Variants in MAN2A1 observed in about 807,000 individuals in gnomAD.
MAN2A1 encodes the protein alpha-mannosidase 2.
A neutral mutation model predicts 142.6 loss-of-function variants in MAN2A1; 76 were observed. The observed-to-expected ratio is 0.53, with a 90% CI of 0.44 to 0.65. MAN2A1 has a LOEUF of 0.65. Among genes scored for constraint, MAN2A1 ranks in the 30% least tolerant of loss-of-function variants. The pLI, the probability that MAN2A1 is intolerant of heterozygous loss-of-function variation, is 0.00. For synonymous variants in MAN2A1, 559 were observed against 473.2 expected (o/e 1.18, Z -2.35); for missense variants, 1,311 against 1,365.1 (o/e 0.96, Z 0.62).
At chr5:109,832,051 A>G (rs1754920762) in intron 16 of MAN2A1, among the ~76,000 whole-genome samples, 1 of 151,228 alleles carries the variant, frequency 6.6e-6, no homozygotes, top group East Asian at 1.9e-4. Flanking sequence ...GATGAATGTC[A>G]CTCATTGCTA....
chr5:109,781,298 C>CA, intron 8 of MAN2A1, 98 bp from the exon 9 acceptor site: 1 of 649,440 alleles, frequency 1.5e-6, no homozygotes, highest in Admixed American at 3.5e-5. Context: ...AACTTGGAAA[C>CA]ACATGTTAAA....
chr5:109,699,105 A>T (rs140117723), intron 1 of MAN2A1, among the ~76,000 whole-genome samples: 26 of 152,274 alleles, frequency 1.7e-4, no homozygotes, highest in Non-Finnish European at 3.5e-4. Flanking sequence ...GCTTTCAATG[A>T]TGTAATTGCA....
chr5:109,768,700 T>C (rs942333713), intron 6 of MAN2A1, among the ~76,000 whole-genome samples: 7 of 152,250 alleles, frequency 4.6e-5, no homozygotes, highest in African/African-American at 1.7e-4. Context: ...TTCTTATATG[T>C]ACTCCTGTTT....
rs1183464312 is a variant in MAN2A1, at chr5:109,690,571, G to T, written c.135+19G>T. 5.7e-6 allele frequency: 9 copies of T among 1,578,096 alleles called. No individual in the cohort carries two copies. The highest frequency in any genetic ancestry group is 2.7e-5 in the African/African-American group (2 of 73,992). ...CCCTCAGGTAAGCACCTGGGAAGGG[G>T]GCGCGGGGCTCCGAGGGGCCAGGCG... On this transcript the variant is annotated intron_variant, in intron 1 of 21. Transcript: ENST00000261483.
intron 12 of MAN2A1, among the ~76,000 whole-genome samples, chr5:109,803,836 A>G (rs1173382958): frequency 6.6e-6 from 1 of 152,100 alleles, no homozygotes; most frequent in East Asian, 1.9e-4. Context: ...TTGAAGTTGT[A>G]TAAAGTACTG....
intron 1 of MAN2A1, among the ~76,000 whole-genome samples, chr5:109,703,789 T>C (rs1458551538): frequency 6.6e-6 from 1 of 152,250 alleles, no homozygotes; most frequent in Non-Finnish European, 1.5e-5. Flanking sequence ...GCCCTAGTTA[T>C]ACACCCTTCT....
At chr5:109,716,033 T>C (rs1046589643) in intron 2 of MAN2A1, 87 bp from the exon 3 acceptor site, 1 of 833,350 alleles carries the variant, frequency 1.2e-6, no homozygotes, top group African/African-American at 1.7e-5. Flanking sequence ...ATATGCAGAG[T>C]ATAGCAGTGA....
intron 16 of MAN2A1, among the ~76,000 whole-genome samples, chr5:109,831,553 A>G (rs555205035): frequency 6.6e-6 from 1 of 152,208 alleles, no homozygotes; most frequent in African/African-American, 2.4e-5. Flanking sequence ...AATAATTGCA[A>G]AGGATGTTAT....
chr5:109,708,167 C>G (rs1751191816), intron 1 of MAN2A1, among the ~76,000 whole-genome samples: 2 of 152,176 alleles, frequency 1.3e-5, no homozygotes, highest in East Asian at 3.9e-4. Flanking sequence ...AAACCTAGGG[C>G]ATGTTGTATT....
chr5:109,784,440 C>T (rs1318888531), intron 9 of MAN2A1, among the ~76,000 whole-genome samples: 1 of 152,080 alleles, frequency 6.6e-6, no homozygotes, highest in East Asian at 1.9e-4. Context: ...ATTTTTTTCA[C>T]TGTGCTATTC....
At chr5:109,728,991 A>C (rs1181316426) in intron 3 of MAN2A1, among the ~76,000 whole-genome samples, 1 of 151,610 alleles carries the variant, frequency 6.6e-6, no homozygotes, top group Non-Finnish European at 1.5e-5. Flanking sequence ...AACAGTGTTT[A>C]GATTTTTAAA....
At chr5:109,814,579 T>G (rs1754402946) in intron 12 of MAN2A1, among the ~76,000 whole-genome samples, 1 of 152,182 alleles carries the variant, frequency 6.6e-6, no homozygotes, top group Admixed American at 6.5e-5. Flanking sequence ...CATTATATAC[T>G]CTACACATTT....
chr5:109,854,920 T>C, intron 19 of MAN2A1: 1 of 372,344 alleles, frequency 2.7e-6, no homozygotes, highest in Non-Finnish European at 4.7e-6. Flanking sequence ...ATGGAAGATA[T>C]ATTTTAAACA....
intron 2 of MAN2A1, among the ~76,000 whole-genome samples, chr5:109,715,718 A>T (rs6866335): frequency 2.0e-5 from 3 of 152,044 alleles, no homozygotes; most frequent in African/African-American, 7.2e-5. Context: ...TAAAGATAGC[A>T]CAAAGTAAAA....
At chr5:109,758,571 T>C (rs1454755463) in intron 5 of MAN2A1, among the ~76,000 whole-genome samples, 3 of 151,262 alleles carry the variant, frequency 2.0e-5, no homozygotes, top group Non-Finnish European at 4.4e-5. Context: ...TAAGAAACTG[T>C]TGTTTAATCC....
chr5:109,863,833 G>A (rs943973654), intron 20 of MAN2A1: 1 of 152,164 alleles, frequency 6.6e-6, no homozygotes, highest in Non-Finnish European at 1.5e-5. Flanking sequence ...TAAAATTGCT[G>A]TGTGTATCAT....
chr5:109,795,358 C>T (rs1582904689), intron 12 of MAN2A1, among the ~76,000 whole-genome samples: 1 of 152,142 alleles, frequency 6.6e-6, no homozygotes, highest in Non-Finnish European at 1.5e-5. Flanking sequence ...CTGTTTCAAC[C>T]TCACATTGAC....
chr5:109,827,624 T>G (rs1161431386), intron 16 of MAN2A1, among the ~76,000 whole-genome samples: 1 of 152,336 alleles, frequency 6.6e-6, no homozygotes, highest in African/African-American at 2.4e-5. Context: ...ATTCTGAAAA[T>G]GATCAGAAGT....
At chr5:109,775,378 A>G (rs548433988) in intron 8 of MAN2A1, among the ~76,000 whole-genome samples, 3 of 152,110 alleles carry the variant, frequency 2.0e-5, no homozygotes, top group Non-Finnish European at 4.4e-5. Context: ...TGAACATGTC[A>G]TGAATTTTGC....
Sources: gnomAD v4.1 joint callset for allele counts (sites outside exome capture counted in the v4.1 genomes callset) on GRCh38, gnomAD v4.1.1 for gene constraint, MANE v1.5 for transcripts, NCBI Gene and HGNC (gene_info 2026-07-23, HGNC 2026-07-21) for gene names.